The following SGCD variants were observed in gnomAD, a reference collection of about 807,000 sequenced individuals.
The protein encoded by SGCD is sarcoglycan delta.
Under a neutral mutation model 36.6 loss-of-function variants are expected in SGCD, and 18 were observed. The ratio of observed to expected loss-of-function variants is 0.49; its 90% CI spans 0.34 to 0.73. The LOEUF (loss-of-function observed/expected upper bound fraction) is 0.73, where lower values mean the gene tolerates loss of function less well. SGCD is among the 30% of genes least tolerant of loss of function. SGCD has a pLI of 0.01. For missense variants in SGCD, 387 were observed against 346.7 expected (o/e 1.12, Z -0.92); for synonymous variants, 133 against 130.6 (o/e 1.02, Z -0.12).
chr5:156,222,285 A>G (rs1357578942), intron 3 of SGCD, among the ~76,000 whole-genome samples: 1 of 152,112 alleles, frequency 6.6e-6, no homozygotes, highest in African/African-American at 2.4e-5. Flanking sequence ...CACATTCCAC[A>G]TTTTAAGTAT....
At chr5:156,109,560 C>T (rs781657085) in intron 1 of SGCD, among the ~76,000 whole-genome samples, 1 of 152,136 alleles carries the variant, frequency 6.6e-6, no homozygotes, top group Non-Finnish European at 1.5e-5. Flanking sequence ...TCAAAATATG[C>T]AACTCATCCA....
intron 2 of SGCD, among the ~76,000 whole-genome samples, chr5:156,335,935 CA>C (rs1459604830): frequency 6.6e-6 from 1 of 152,210 alleles, no homozygotes; most frequent in Admixed American, 6.5e-5. Context: ...TCCACACTTC[CA>C]TTCTCGCTCC....
intron 7 of SGCD, among the ~76,000 whole-genome samples, chr5:156,728,539 TAG>T (rs1202910030): frequency 8.9e-5 from 8 of 89,896 alleles, no homozygotes; most frequent in African/African-American, 4.0e-5. Context: ...AAAAAAAAGG[TAG>T]AGTCACTGCA....
At chr5:155,728,714 G>GCGAAGTC in the SGCD span, among the ~76,000 whole-genome samples, 3 of 152,090 alleles carry the variant, frequency 2.0e-5, no homozygotes, top group African/African-American at 4.8e-5. Context: ...CGGAGCGAGC[G>GCGAAGTC]CGAAGTCCGA....
intron 1 of SGCD, among the ~76,000 whole-genome samples, chr5:155,890,846 C>T (rs886218174): frequency 1.3e-5 from 2 of 152,094 alleles, no homozygotes; most frequent in Non-Finnish European, 2.9e-5. Context: ...ACTCAAGACT[C>T]ATTGTCTGGG....
chr5:156,016,654 G>C (rs4704921), intron 1 of SGCD, among the ~76,000 whole-genome samples: 2 of 152,012 alleles, frequency 1.3e-5, no homozygotes, highest in Non-Finnish European at 2.9e-5. Context: ...CATGTTGTAT[G>C]TACTGTCTTG....
intron 7 of SGCD, among the ~76,000 whole-genome samples, chr5:156,673,121 T>G (rs898403432): frequency 8.5e-5 from 13 of 152,252 alleles, no homozygotes; most frequent in African/African-American, 3.1e-4. Flanking sequence ...ACAAATCCAT[T>G]CCCCTCAAAA....
intron 1 of SGCD, among the ~76,000 whole-genome samples, chr5:156,093,967 A>T (rs1410734524): frequency 2.0e-5 from 3 of 152,170 alleles, no homozygotes; most frequent in Admixed American, 6.5e-5. Context: ...CCACCCACGG[A>T]TATTTGCCTA....
chr5:155,934,069 A>G (rs771571156), intron 1 of SGCD, among the ~76,000 whole-genome samples: 20 of 152,232 alleles, frequency 1.3e-4, no homozygotes, highest in Non-Finnish European at 2.8e-4. Flanking sequence ...AATTTCAGAA[A>G]GAATGACTGA....
the SGCD span, among the ~76,000 whole-genome samples, chr5:155,749,332 A>G: frequency 6.6e-6 from 1 of 152,188 alleles, no homozygotes; most frequent in African/African-American, 2.4e-5. Context: ...ACTCCTTTGC[A>G]ATGGAAGAGG....
chr5:155,774,742 G>A, the SGCD span, among the ~76,000 whole-genome samples: 1 of 152,132 alleles, frequency 6.6e-6, no homozygotes, highest in Non-Finnish European at 1.5e-5. Context: ...CCACCTGGAT[G>A]ATCCAGGATC....
chr5:155,902,406 T>C (rs244968), intron 1 of SGCD, among the ~76,000 whole-genome samples: 138,074 of 152,242 alleles, frequency 0.91, 62,726 homozygotes, highest in African/African-American at 0.95. Context: ...ATACTTTAAA[T>C]AATAGCATTT....
chr5:156,187,983 G>A (rs958252143), intron 3 of SGCD, among the ~76,000 whole-genome samples: 2 of 152,298 alleles, frequency 1.3e-5, no homozygotes, highest in African/African-American at 4.8e-5. Context: ...TAAAAGCTAA[G>A]ATTAGGGTGA....
the SGCD span, among the ~76,000 whole-genome samples, chr5:155,844,323 T>A: frequency 6.6e-6 from 1 of 152,108 alleles, no homozygotes; most frequent in Non-Finnish European, 1.5e-5. Context: ...TCATTGTAAA[T>A]TTTCCATTTT....
chr5:156,585,981 G>A (rs948445256), intron 4 of SGCD, among the ~76,000 whole-genome samples: 2 of 151,468 alleles, frequency 1.3e-5, no homozygotes, highest in Non-Finnish European at 2.9e-5. Flanking sequence ...AATATTAGTA[G>A]GTAAATTTTG....
intron 7 of SGCD, among the ~76,000 whole-genome samples, chr5:156,668,045 G>A (rs568001284): frequency 3.6e-4 from 55 of 152,294 alleles, no homozygotes; most frequent in African/African-American, 1.3e-3. Flanking sequence ...ATTGAACTAT[G>A]TGAACATATT....
At chr5:156,680,792 A>G (rs1753689646) in intron 7 of SGCD, among the ~76,000 whole-genome samples, 1 of 152,198 alleles carries the variant, frequency 6.6e-6, no homozygotes, top group Non-Finnish European at 1.5e-5. Context: ...TTCAGCAGGG[A>G]GAGGTAACAT....
chr5:155,803,377 T>G, the SGCD span, among the ~76,000 whole-genome samples: 3 of 152,072 alleles, frequency 2.0e-5, no homozygotes, highest in Admixed American at 6.5e-5. Flanking sequence ...GTTGGGACCA[T>G]GGAGAGAAGG....
At position 156,152,722 on chromosome 5, in the gene SGCD, C is replaced by T. The variant is rs956765038; in HGVS notation, c.-44+28703C>T. ...TTCTTTTTACATTTTAATCTGACTA[C>T]TAGAAAGTTTAAAAAATGTGGCTCA... On this transcript the variant is annotated intron_variant, in intron 3 of 9. Transcript: ENST00000517913. Among the ~76,000 whole-genome samples, 20 of 151,582 alleles carry T rather than the reference C, an allele frequency of 1.3e-4. 1 individual carries two copies. Among genetic ancestry groups the T allele is most frequent in the Admixed American group, 1.2e-3 (18 of 15,240 alleles).
Sources: gnomAD v4.1 joint callset for allele counts (sites outside exome capture counted in the v4.1 genomes callset) on GRCh38, gnomAD v4.1.1 for gene constraint, MANE v1.5 for transcripts, NCBI Gene and HGNC (gene_info 2026-07-23, HGNC 2026-07-21) for gene names.